Variants in MRAP2 observed in about 807,000 individuals in gnomAD.
The protein encoded by MRAP2 is melanocortin 2 receptor accessory protein 2.
A neutral mutation model predicts 17.4 loss-of-function variants in MRAP2; 20 were observed. That is an observed-to-expected ratio of 1.15 (90% CI 0.81 to 1.67). MRAP2 has a LOEUF of 1.67. Among genes scored for constraint, MRAP2 ranks in the 40% most tolerant of loss-of-function variants. The probability of loss-of-function intolerance (pLI) is 0.00; values close to 1 mark genes in which losing one functional copy is unlikely to be tolerated. For missense variants in MRAP2, 238 were observed against 240.0 expected (o/e 0.99, Z 0.05); for synonymous variants, 96 against 88.4 (o/e 1.09, Z -0.48).
rs150130405 is a variant in MRAP2 at position 84,078,500 on chromosome 6, G to A, written c.228-10591G>A. ...GACAACACCAAATGTTGGGAAGCAG[G>A]TTGCTATGGCTTGGATAGCTTGTTT... is the stretch of plus-strand genomic sequence containing the variant. On this transcript the variant is annotated intron_variant, in intron 3 of 3. Coordinates refer to ENST00000257776, the MANE Select transcript of MRAP2 (RefSeq NM_138409.4). Among the ~76,000 whole-genome samples, 627 of 152,290 alleles carry A rather than the reference G, an allele frequency of 4.1e-3. 8 individuals are homozygous for A. The highest frequency in any genetic ancestry group is 0.014 in the African/African-American group (602 of 41,568).
the MRAP2 span, among the ~76,000 whole-genome samples, chr6:84,101,084 T>C: frequency 1.3e-5 from 2 of 152,222 alleles, no homozygotes; most frequent in Non-Finnish European, 2.9e-5. Context: ...GATGGTAACA[T>C]GCAGCTGCAT....
At chr6:84,048,438 T>C (rs1448379759) in intron 1 of MRAP2, among the ~76,000 whole-genome samples, 3 of 152,216 alleles carry the variant, frequency 2.0e-5, no homozygotes, top group African/African-American at 7.2e-5. Context: ...AAAATAGTCA[T>C]GGGAACCCAG....
intron 3 of MRAP2, among the ~76,000 whole-genome samples, chr6:84,081,835 T>C (rs1199275880): frequency 6.6e-6 from 1 of 152,092 alleles, no homozygotes; most frequent in Non-Finnish European, 1.5e-5. Flanking sequence ...AATGAATGAA[T>C]GAATGAATAA....
At chr6:84,127,626 A>G in the MRAP2 span, among the ~76,000 whole-genome samples, 1 of 152,202 alleles carries the variant, frequency 6.6e-6, no homozygotes, top group African/African-American at 2.4e-5. Context: ...ATAAAGGCAT[A>G]GTCATACACA....
intron 1 of MRAP2, among the ~76,000 whole-genome samples, chr6:84,046,706 AG>A (rs1322561766): frequency 2.8e-5 from 4 of 143,114 alleles, no homozygotes; most frequent in African/African-American, 1.0e-4. Context: ...ACTTGAACCC[AG>A]GAGGTGGAGG....
intron 3 of MRAP2, among the ~76,000 whole-genome samples, chr6:84,064,757 G>A (rs2099494191): frequency 6.6e-6 from 1 of 152,154 alleles, no homozygotes; most frequent in South Asian, 2.1e-4. Flanking sequence ...AAAGTGCTGG[G>A]ATTACAGGCG....
intron 3 of MRAP2, 133 bp downstream of exon 3, chr6:84,063,125 C>T (rs1562880645): frequency 1.9e-5 from 28 of 1,486,660 alleles, no homozygotes; most frequent in Non-Finnish European, 2.3e-5. Context: ...TGTCTGGACC[C>T]AGATGCCCGT....
intron 1 of MRAP2, among the ~76,000 whole-genome samples, chr6:84,053,149 G>A (rs920997588): frequency 3.9e-5 from 6 of 152,068 alleles, no homozygotes; most frequent in Non-Finnish European, 8.8e-5. Flanking sequence ...AACAGCTCTC[G>A]GTTCTGTGGT....
the MRAP2 span, among the ~76,000 whole-genome samples, chr6:84,114,871 C>T: frequency 0.094 from 14,315 of 152,150 alleles, 1,771 homozygotes; most frequent in African/African-American, 0.29. Flanking sequence ...ACATCCACTG[C>T]AGACCCTGTT....
At chr6:84,043,544 G>A (rs774026854) in intron 1 of MRAP2, among the ~76,000 whole-genome samples, 19 of 152,144 alleles carry the variant, frequency 1.2e-4, no homozygotes, top group Non-Finnish European at 2.2e-4. Context: ...GGGTTCCCCC[G>A]CTGCAGGTTC....
chr6:84,114,150 C>T, the MRAP2 span, among the ~76,000 whole-genome samples: 1 of 152,140 alleles, frequency 6.6e-6, no homozygotes, highest in Non-Finnish European at 1.5e-5. Flanking sequence ...GGAAATTCTC[C>T]TGGATAATAT....
the MRAP2 span, among the ~76,000 whole-genome samples, chr6:84,110,001 T>C: frequency 0.042 from 6,456 of 152,256 alleles, 199 homozygotes; most frequent in Admixed American, 0.086. Flanking sequence ...CAGTCTAACA[T>C]TGATGGGCAT....
At chr6:84,126,543 C>G in the MRAP2 span, 132 of 1,422,060 alleles carry the variant, frequency 9.3e-5, no homozygotes, top group Non-Finnish European at 1.2e-4. Flanking sequence ...AAATGAAAAA[C>G]TATAATCACA....
chr6:84,086,031 AT>A (rs2099500348), intron 3 of MRAP2, among the ~76,000 whole-genome samples: 1 of 152,222 alleles, frequency 6.6e-6, no homozygotes, highest in South Asian at 2.1e-4. Context: ...AGAATCACTG[AT>A]TCCTTCCAAA....
intron 3 of MRAP2, among the ~76,000 whole-genome samples, chr6:84,085,203 C>A (rs1396367955): frequency 1.3e-5 from 2 of 151,782 alleles, no homozygotes. Flanking sequence ...TACAGGCACC[C>A]GCCACTGTGC....
chr6:84,040,121 CAG>C (rs886986913), intron 1 of MRAP2, among the ~76,000 whole-genome samples: 1 of 152,112 alleles, frequency 6.6e-6, no homozygotes, highest in Non-Finnish European at 1.5e-5. Flanking sequence ...GTAATTGAAT[CAG>C]GGGGTTGGTT....
intron 3 of MRAP2, among the ~76,000 whole-genome samples, chr6:84,082,290 G>A (rs2099499192): frequency 6.6e-6 from 1 of 152,126 alleles, no homozygotes; most frequent in South Asian, 2.1e-4. Flanking sequence ...GAGTGTTGTA[G>A]TTTTTCTTTA....
chr6:84,125,145 A>G, the MRAP2 span: 1 of 1,613,556 alleles, frequency 6.2e-7, no homozygotes, highest in Admixed American at 1.7e-5. Context: ...GCTCTCGGAG[A>G]ACATCTAATA....
chr6:84,042,756 A>T (rs935075856), intron 1 of MRAP2, among the ~76,000 whole-genome samples: 1 of 152,224 alleles, frequency 6.6e-6, no homozygotes, highest in Non-Finnish European at 1.5e-5. Flanking sequence ...CAGTGGGTGC[A>T]GTAGGTGGAG....
Sources: allele counts gnomAD v4.1 joint callset (sites outside exome capture counted in the v4.1 genomes callset), GRCh38; gene constraint gnomAD v4.1.1; transcripts MANE v1.5; gene names NCBI Gene and HGNC (gene_info 2026-07-23, HGNC 2026-07-21).